CLASP1: variants seen among roughly 807,000 people sequenced by gnomAD.
The protein encoded by CLASP1 is cytoplasmic linker associated protein 1, also known as CLIP-associating protein 1.
A neutral mutation model predicts 192.3 loss-of-function variants in CLASP1; 38 were observed. The observed-to-expected ratio is 0.20, with a 90% CI of 0.15 to 0.26. The LOEUF is 0.26. Among genes scored for constraint, CLASP1 ranks in the 10% least tolerant of loss-of-function variants. The pLI is 1.00. For synonymous variants in CLASP1, 691 were observed against 712.8 expected, an observed-to-expected ratio of 0.97 and a Z score of 0.49; for missense variants, 1,433 against 1,932.5, an observed-to-expected ratio of 0.74 and a Z score of 4.85.
intron 1 of CLASP1, among the ~76,000 whole-genome samples, chr2:121,619,266 C>T (rs2066938642): frequency 6.6e-6 from 1 of 152,190 alleles, no homozygotes; most frequent in African/African-American, 2.4e-5. Flanking sequence ...TTACAGGCCC[C>T]TTAATCTTAT....
intron 8 of CLASP1, among the ~76,000 whole-genome samples, chr2:121,492,873 T>C (rs2093380990): frequency 6.6e-6 from 1 of 152,140 alleles, no homozygotes; most frequent in Admixed American, 6.5e-5. Flanking sequence ...AAAGCTTGTA[T>C]ACAAATGTTC....
chr2:121,578,842 AAC>A lies in CLASP1; in HGVS notation c.195+26857_195+26858del, dbSNP rs758297508. Among the ~76,000 whole-genome samples the A allele has an allele frequency of 5.3e-5, 8 of 152,266 alleles. No homozygotes were observed. The East Asian group carries it at 5.8e-4, about 11-fold the overall frequency. On this transcript the variant is annotated intron_variant, in intron 2 of 39. Coordinates refer to ENST00000263710, the Ensembl canonical transcript of CLASP1. ...GGAAGTGACAGTAAGAGGAATTAAA[AAC>A]ACACACACACAAAAAAAAACTTCAC...
chr2:121,581,615 TG>T (rs2061179012), intron 2 of CLASP1, among the ~76,000 whole-genome samples: 1 of 152,174 alleles, frequency 6.6e-6, no homozygotes, highest in Admixed American at 6.5e-5. Flanking sequence ...CCAGGAATGG[TG>T]GCTCAAGCCT....
intron 2 of CLASP1, chr2:121,603,174 T>A (rs2063993587): frequency 6.6e-6 from 1 of 151,132 alleles, no homozygotes; most frequent in African/African-American, 2.4e-5. Context: ...CAAACGGGAT[T>A]AATATCCAGA....
chr2:121,407,775 G>A, intron 24 of CLASP1, 60 bp from the exon 26 acceptor site: 2 of 1,593,148 alleles, frequency 1.3e-6, no homozygotes, highest in Non-Finnish European at 1.7e-6. Context: ...TGAAATGACT[G>A]TGAGTCACAC....
chr2:121,587,028 GTCAGTAGT>G (rs2061789996), intron 2 of CLASP1, among the ~76,000 whole-genome samples: 1 of 151,962 alleles, frequency 6.6e-6, no homozygotes, highest in Non-Finnish European at 1.5e-5. Flanking sequence ...GGATCACAAA[GTCAGTAGT>G]TCAAGACCAG....
chr2:121,445,651 G>A (rs2084187405), intron 19 of CLASP1, among the ~76,000 whole-genome samples: 1 of 152,202 alleles, frequency 6.6e-6, no homozygotes. Flanking sequence ...AAGGGAAGTT[G>A]AGGTAGAATT....
At chr2:121,462,726 A>G in intron 9 of CLASP1, 121 bp from the exon 10 acceptor site, 1 of 638,526 alleles carries the variant, frequency 1.6e-6, no homozygotes, top group East Asian at 2.7e-5. Flanking sequence ...CATTTTTTTA[A>G]AAGGCTTCAT....
At chr2:121,499,211 A>G (rs1230802579) in intron 8 of CLASP1, among the ~76,000 whole-genome samples, 1 of 152,250 alleles carries the variant, frequency 6.6e-6, no homozygotes, top group Non-Finnish European at 1.5e-5. Flanking sequence ...AATGCAATCT[A>G]ATCACACAAT....
At chr2:121,531,109 G>GTTTTA in intron 2 of CLASP1, 1 of 639,450 alleles carries the variant, frequency 1.6e-6, no homozygotes, top group African/African-American at 1.8e-5. Flanking sequence ...AAGACGCGTG[G>GTTTTA]TTTTAGTGTC....
intron 24 of CLASP1, chr2:121,409,192 C>T: frequency 1.5e-6 from 1 of 649,924 alleles, no homozygotes. Context: ...CGTTTCATAT[C>T]AAGCTAATAA....
At chr2:121,610,813 C>T (rs6742339) in intron 1 of CLASP1, among the ~76,000 whole-genome samples, 2 of 57,964 alleles carry the variant, frequency 3.5e-5, no homozygotes, top group Non-Finnish European at 8.2e-5. Flanking sequence ...GGAACTGGAG[C>T]AGGAGGAAGA....
At chr2:121,423,593 A>C (rs1451461369) in intron 22 of CLASP1, among the ~76,000 whole-genome samples, 1 of 152,254 alleles carries the variant, frequency 6.6e-6, no homozygotes, top group East Asian at 1.9e-4. Context: ...ACTATGGAAA[A>C]AGACAGCTAA....
intron 2 of CLASP1, among the ~76,000 whole-genome samples, chr2:121,545,300 A>C (rs1453024480): frequency 6.6e-6 from 1 of 152,160 alleles, no homozygotes; most frequent in Non-Finnish European, 1.5e-5. Context: ...TGATGGTCCA[A>C]AATTGAATCT....
chr2:121,521,092 G>A (rs977779800), intron 6 of CLASP1, among the ~76,000 whole-genome samples: 3 of 152,108 alleles, frequency 2.0e-5, no homozygotes, highest in Admixed American at 6.6e-5. Flanking sequence ...GCTGATTCTC[G>A]GGACATAGGA....
chr2:121,459,097 T>C, intron 12 of CLASP1, 122 bp from the exon 13 acceptor site: 1 of 635,962 alleles, frequency 1.6e-6, no homozygotes, highest in Non-Finnish European at 2.5e-6. Context: ...GTCTGAGATT[T>C]CCGATGTGCA....
At chr2:121,481,759 GC>G (rs2092614161) in intron 8 of CLASP1, among the ~76,000 whole-genome samples, 1 of 152,112 alleles carries the variant, frequency 6.6e-6, no homozygotes, top group Non-Finnish European at 1.5e-5. Flanking sequence ...AGAGGATACC[GC>G]CTCTGAATAC....
At chr2:121,385,661 C>A (rs1277483357) in intron 32 of CLASP1, among the ~76,000 whole-genome samples, 2 of 152,082 alleles carry the variant, frequency 1.3e-5, no homozygotes, top group Non-Finnish European at 2.9e-5. Context: ...AATGTGCCAC[C>A]CTAAGAATGC....
intron 1 of CLASP1, among the ~76,000 whole-genome samples, chr2:121,607,981 G>C (rs1214093925): frequency 6.6e-6 from 1 of 152,188 alleles, no homozygotes; most frequent in Non-Finnish European, 1.5e-5. Flanking sequence ...CAACACAGAA[G>C]AGTGAGGGAA....
Sources: gnomAD v4.1 joint callset for allele counts (sites outside exome capture counted in the v4.1 genomes callset) on GRCh38, gnomAD v4.1.1 for gene constraint, MANE v1.5 for transcripts, NCBI Gene and HGNC (gene_info 2026-07-23, HGNC 2026-07-21) for gene names.